The following ARMC2 variants were observed in gnomAD, a reference collection of about 807,000 sequenced individuals.
ARMC2 encodes armadillo repeat containing 2, also known as armadillo repeat-containing protein 2.
A neutral mutation model predicts 90.3 loss-of-function variants in ARMC2; 67 were observed. The ratio of observed to expected loss-of-function variants is 0.74; its 90% CI spans 0.61 to 0.91. The LOEUF is 0.91. ARMC2 is among the 40% of genes least tolerant of loss of function. The probability of loss-of-function intolerance (pLI) is 0.00; values close to 1 mark genes in which losing one functional copy is unlikely to be tolerated. For missense variants in ARMC2, 920 were observed against 1,030.9 expected (o/e 0.89, Z 1.47); for synonymous variants, 393 against 393.0 (o/e 1.00, Z 0.00).
intron 6 of ARMC2, 140 bp downstream of exon 6, chr6:108,894,683 A>G (rs1583037203): frequency 1.6e-6 from 1 of 640,846 alleles, no homozygotes; most frequent in Non-Finnish European, 2.5e-6. Flanking sequence ...ATTTTTATAC[A>G]TTTTTATTAT....
At chr6:108,972,945 G>A (rs968849941) in intron 17 of ARMC2, among the ~76,000 whole-genome samples, 1 of 151,764 alleles carries the variant, frequency 6.6e-6, no homozygotes. Context: ...TGGCATTACA[G>A]GTATGAGCCA....
chr6:108,908,464 C>T (rs1773040571), intron 8 of ARMC2, among the ~76,000 whole-genome samples: 1 of 152,094 alleles, frequency 6.6e-6, no homozygotes, highest in Non-Finnish European at 1.5e-5. Flanking sequence ...AACAAATATG[C>T]CTGACAGATT....
chr6:109,023,973 TCA>T, the ARMC2 span, among the ~76,000 whole-genome samples: 74 of 151,896 alleles, frequency 4.9e-4, no homozygotes, highest in African/African-American at 1.7e-3. Context: ...AATTCAATGA[TCA>T]CACACACACA....
At chr6:108,890,672 A>T (rs1023493821) in intron 5 of ARMC2, among the ~76,000 whole-genome samples, 3 of 152,198 alleles carry the variant, frequency 2.0e-5, no homozygotes, top group African/African-American at 7.2e-5. Context: ...TTGGCTTCAG[A>T]ACCTACATAT....
chr6:109,026,534 G>A, the ARMC2 span, among the ~76,000 whole-genome samples: 1 of 151,912 alleles, frequency 6.6e-6, no homozygotes, highest in African/African-American at 2.4e-5. Flanking sequence ...GTCTCGCTCT[G>A]TCGCCAGGCT....
intron 13 of ARMC2, among the ~76,000 whole-genome samples, chr6:108,954,093 A>G (rs1232790362): frequency 6.6e-6 from 1 of 152,152 alleles, no homozygotes; most frequent in East Asian, 1.9e-4. Flanking sequence ...CTTTTTATAA[A>G]GTCACCAATC....
intron 17 of ARMC2, among the ~76,000 whole-genome samples, chr6:108,971,002 C>A (rs1016131169): frequency 2.0e-5 from 3 of 152,090 alleles, no homozygotes; most frequent in Non-Finnish European, 4.4e-5. Context: ...GTGGGTGGAT[C>A]ACCTGAGGTC....
At chr6:108,890,004 C>T (rs375602401) in intron 5 of ARMC2, among the ~76,000 whole-genome samples, 1 of 149,036 alleles carries the variant, frequency 6.7e-6, no homozygotes, top group Non-Finnish European at 1.5e-5. Context: ...CCGGCTAAAA[C>T]GGTGAAACCC....
chr6:108,883,000 C>T (rs1465427280), intron 5 of ARMC2, among the ~76,000 whole-genome samples: 3 of 152,182 alleles, frequency 2.0e-5, no homozygotes, highest in Non-Finnish European at 4.4e-5. Flanking sequence ...AAGACATTTC[C>T]ACCAGTGCTC....
intron 4 of ARMC2, among the ~76,000 whole-genome samples, chr6:108,872,993 G>T (rs1776576589): frequency 6.6e-6 from 1 of 152,166 alleles, no homozygotes; most frequent in South Asian, 2.1e-4. Flanking sequence ...TCACAAACCT[G>T]CTGGACTGTG....
intron 3 of ARMC2, among the ~76,000 whole-genome samples, chr6:108,863,329 C>G (rs541890489): frequency 1.3e-5 from 2 of 152,154 alleles, no homozygotes; most frequent in African/African-American, 4.8e-5. Flanking sequence ...GTGATCCCCC[C>G]ACCTTGGCCT....
the ARMC2 span, among the ~76,000 whole-genome samples, chr6:109,049,070 C>A: frequency 6.6e-6 from 1 of 152,060 alleles, no homozygotes; most frequent in Non-Finnish European, 1.5e-5. Context: ...GAATAAATGA[C>A]AGCTATGATT....
chr6:108,995,305 T>C, the ARMC2 span, among the ~76,000 whole-genome samples: 1 of 152,238 alleles, frequency 6.6e-6, no homozygotes, highest in Non-Finnish European at 1.5e-5. Flanking sequence ...TTGCATCAAC[T>C]GTGTACACTG....
chr6:109,052,504 AT>A, the ARMC2 span, among the ~76,000 whole-genome samples: 9 of 152,160 alleles, frequency 5.9e-5, no homozygotes, highest in African/African-American at 2.2e-4. Flanking sequence ...GAGATCAAAC[AT>A]TACTTAAAAT....
rs1475923473 is a variant in ARMC2 at position 108,912,491 on chromosome 6, A to C, written c.1283A>C (p.Lys428Thr). The C allele has an allele frequency of 6.2e-7, 1 of 1,614,030 alleles. No individual in the cohort carries two copies. The highest frequency in any genetic ancestry group is 2.2e-5 in the East Asian group (1 of 44,890). Residue 428 changes from lysine to threonine, a missense_variant, in exon 10 of 18, where the codon AAA becomes ACA. Physicochemically the swap from Lys to Thr is moderately conservative, Grantham distance 78. Transcript: ENST00000392644. ...GAVEILINLI[K>T]QINENIKKCG... Reference sequence around the variant, plus strand: ...GTGGAAATACTGATAAATTTGATAAAACAAATAAATGAGAACATCAAGAAA... The same window carrying C: ...GTGGAAATACTGATAAATTTGATAACACAAATAAATGAGAACATCAAGAAA...
At chr6:108,859,435 A>G (rs1582933320) in intron 3 of ARMC2, among the ~76,000 whole-genome samples, 1 of 152,158 alleles carries the variant, frequency 6.6e-6, no homozygotes, top group South Asian at 2.1e-4. Context: ...GAAAGGGTAC[A>G]TGGGAAGTAA....
chr6:108,856,098 T>C (rs1774571618), intron 2 of ARMC2, among the ~76,000 whole-genome samples: 1 of 152,180 alleles, frequency 6.6e-6, no homozygotes, highest in Non-Finnish European at 1.5e-5. Flanking sequence ...GGATCTTGCT[T>C]TTGGTGTTGT....
chr6:109,024,428 G>A, the ARMC2 span, among the ~76,000 whole-genome samples: 2 of 152,138 alleles, frequency 1.3e-5, no homozygotes, highest in Non-Finnish European at 2.9e-5. Context: ...TTTTCTATAA[G>A]GGTAATGGTC....
chr6:108,877,015 T>C (rs1038060992), intron 5 of ARMC2, among the ~76,000 whole-genome samples: 1 of 152,200 alleles, frequency 6.6e-6, no homozygotes, highest in Non-Finnish European at 1.5e-5. Flanking sequence ...TGAAGAAACC[T>C]TGAGTATTTG....
Sources: gnomAD v4.1 joint callset for allele counts (sites outside exome capture counted in the v4.1 genomes callset) on GRCh38, gnomAD v4.1.1 for gene constraint, MANE v1.5 for transcripts, NCBI Gene and HGNC (gene_info 2026-07-23, HGNC 2026-07-21) for gene names.